SLC6A2: variants seen among roughly 807,000 people sequenced by gnomAD.
SLC6A2 encodes solute carrier family 6 member 2.
Under a neutral mutation model 71.7 loss-of-function variants are expected in SLC6A2, and 26 were observed. The observed-to-expected ratio is 0.36, with a 90% CI of 0.27 to 0.50. SLC6A2 has a LOEUF of 0.50. Ranked by LOEUF, SLC6A2 falls within the 20% of genes least tolerant of loss-of-function variation. The probability of loss-of-function intolerance (pLI) is 0.96; values close to 1 mark genes in which losing one functional copy is unlikely to be tolerated. For missense variants in SLC6A2, 581 were observed against 803.9 expected, an observed-to-expected ratio of 0.72 and a Z score of 3.35; for synonymous variants, 363 against 337.9, an observed-to-expected ratio of 1.07 and a Z score of -0.82.
At chr16:55,697,762 G>T in intron 9 of SLC6A2, 135 bp from the exon 10 acceptor site, 2 of 831,384 alleles carry the variant, frequency 2.4e-6, no homozygotes, top group Non-Finnish European at 3.9e-6. Context: ...AAGGCAGGAC[G>T]TGCTGATTTC....
intron 2 of SLC6A2, among the ~76,000 whole-genome samples, chr16:55,660,060 G>C (rs1178505499): frequency 1.3e-5 from 2 of 152,204 alleles, no homozygotes; most frequent in Non-Finnish European, 2.9e-5. Flanking sequence ...TGCTCTAAAG[G>C]CCTGAGGAAG....
chr16:55,689,874 G>A (rs1182766678), intron 5 of SLC6A2, among the ~76,000 whole-genome samples: 1 of 152,218 alleles, frequency 6.6e-6, no homozygotes, highest in South Asian at 2.1e-4. Context: ...GGAGAAACAA[G>A]TGGATAACAT....
chr16:55,656,646 C>T lies in SLC6A2; in HGVS notation c.-49C>T, dbSNP rs540324002. The T allele has an allele frequency of 2.5e-6, 4 of 1,608,734 alleles. No homozygotes were observed. The South Asian group carries it at 3.3e-5, about 13-fold the overall frequency. On this transcript the variant is annotated splice_region_variant and 5_prime_UTR_variant, in exon 2 of 15. Coordinates refer to ENST00000568943, the MANE Select transcript of SLC6A2 (RefSeq NM_001172501.3). The surrounding 1 kb of genome is among the most constrained non-coding windows in gnomAD (Gnocchi z 4.5). ...CTCTTTTCCCTTTATCCAAGCAGAG[C>T]CTCGGCGTGCCCCCAGGACCGGTAA...
At chr16:55,689,672 A>G (rs576602644) in intron 5 of SLC6A2, among the ~76,000 whole-genome samples, 1 of 152,272 alleles carries the variant, frequency 6.6e-6, no homozygotes, top group Admixed American at 6.5e-5. Flanking sequence ...GCTTACACCT[A>G]TTTGTCCCAG....
Position 55,700,436 on chromosome 16 carries a change from T to G in SLC6A2, c.1758+130T>G, listed in dbSNP as rs111824362. 3 of 738,486 alleles carry G rather than the reference T, an allele frequency of 4.1e-6. No individual in the cohort carries two copies. The African/African-American group carries it at 5.3e-5, about 13-fold the overall frequency. 45.7% of individuals were successfully genotyped at this position (738,486 alleles called of 1,614,324 possible). A position where few individuals can be genotyped will look rare whatever the true frequency, so the allele number is the denominator to read the frequency against. On this transcript the variant is annotated intron_variant, in intron 13 of 14. Transcript: ENST00000568943. ...GACACTAGGGTCAAACGGACCCACC[T>G]CATTGGCCAGGTTATTTTCCCCCAT...
intron 3 of SLC6A2, among the ~76,000 whole-genome samples, chr16:55,671,210 T>G (rs1964900212): frequency 6.6e-6 from 1 of 152,174 alleles, no homozygotes; most frequent in Non-Finnish European, 1.5e-5. Context: ...ATAAAGGGTG[T>G]GCACCAAGTC....
At chr16:55,671,698 A>G in intron 3 of SLC6A2, 1 of 739,882 alleles carries the variant, frequency 1.4e-6, no homozygotes, top group Non-Finnish European at 2.2e-6. Flanking sequence ...TGAGAATCTA[A>G]CTAACGCCTG....
chr16:55,672,268 G>T (rs2142516470), intron 4 of SLC6A2, 93 bp downstream of exon 4: 1 of 1,606,362 alleles, frequency 6.2e-7, no homozygotes, highest in East Asian at 2.2e-5. Flanking sequence ...CCAAGGAGAC[G>T]CATGCCGTCA....
intron 8 of SLC6A2, among the ~76,000 whole-genome samples, chr16:55,696,017 G>T (rs573912613): frequency 6.6e-6 from 1 of 152,294 alleles, no homozygotes; most frequent in South Asian, 2.1e-4. Flanking sequence ...TCCAGGCAGG[G>T]AACTGCTCTC....
intron 4 of SLC6A2, among the ~76,000 whole-genome samples, 178 bp downstream of exon 4, chr16:55,672,353 G>T (rs542073581): frequency 6.6e-6 from 1 of 152,306 alleles, no homozygotes; most frequent in South Asian, 2.1e-4. Context: ...GGTCGAGGTA[G>T]TTGGAGAAGC....
At chr16:55,682,089 T>C (rs1176991162) in intron 4 of SLC6A2, among the ~76,000 whole-genome samples, 1 of 152,168 alleles carries the variant, frequency 6.6e-6, no homozygotes, top group Non-Finnish European at 1.5e-5. Context: ...GTATTTTTAG[T>C]AGAGACAGGG....
intron 3 of SLC6A2, among the ~76,000 whole-genome samples, chr16:55,671,287 T>C (rs1325424160): frequency 2.0e-5 from 3 of 152,160 alleles, no homozygotes; most frequent in Non-Finnish European, 4.4e-5. Flanking sequence ...AGTGTTATCC[T>C]GCCCAGGGGG....
rs1966011246 is a variant in SLC6A2, at chr16:55,702,741, C to CG, written c.*395_*396insG. On this transcript the variant is annotated 3_prime_UTR_variant, in exon 15 of 15. Transcript: ENST00000568943. ...AGAGGATGGGCTTTTGATCAGATACCCCTCCCAAAAAAAAAAAAAACTAAA... is the reference window on the plus strand; with the variant it reads ...AGAGGATGGGCTTTTGATCAGATACCGCCTCCCAAAAAAAAAAAAAACTAAA... 1 of 942,358 alleles carries CG rather than the reference C, an allele frequency of 1.1e-6. No individual in the cohort carries two copies. The highest frequency in any genetic ancestry group is 3.0e-5 in the African/African-American group (1 of 33,028). The allele number at this position is 942,358 out of a possible 1,614,324, so 58.4% of individuals were successfully genotyped here.
chr16:55,691,788 C>T, intron 5 of SLC6A2, 130 bp from the exon 6 acceptor site: 1 of 1,048,588 alleles, frequency 9.5e-7, no homozygotes, highest in South Asian at 1.3e-5. Context: ...GAACTTGTAG[C>T]ATGTGCTTTG....
chr16:55,668,100 C>A (rs1169725044), intron 2 of SLC6A2, among the ~76,000 whole-genome samples: 1 of 152,056 alleles, frequency 6.6e-6, no homozygotes, highest in Non-Finnish European at 1.5e-5. Flanking sequence ...CCCTGCCCCC[C>A]ACCACTGATC....
At chr16:55,697,799 A>T in intron 9 of SLC6A2, 98 bp from the exon 10 acceptor site, 1 of 1,296,124 alleles carries the variant, frequency 7.7e-7, no homozygotes, top group Non-Finnish European at 1.1e-6. Flanking sequence ...AGCCTACATG[A>T]GTCCTGGGCT....
At chr16:55,662,210 G>A (rs1964628887) in intron 2 of SLC6A2, among the ~76,000 whole-genome samples, 1 of 152,198 alleles carries the variant, frequency 6.6e-6, no homozygotes, top group Non-Finnish European at 1.5e-5. Flanking sequence ...GGATTTAATA[G>A]GGATAAATGT....
At chr16:55,664,926 G>T (rs1184084266) in intron 2 of SLC6A2, among the ~76,000 whole-genome samples, 1 of 152,138 alleles carries the variant, frequency 6.6e-6, no homozygotes, top group Non-Finnish European at 1.5e-5. Flanking sequence ...ATACCCGGAC[G>T]GTGGAATTCC....
At chr16:55,671,441 T>C (rs749314134) in intron 3 of SLC6A2, among the ~76,000 whole-genome samples, 4 of 152,148 alleles carry the variant, frequency 2.6e-5, no homozygotes, top group Non-Finnish European at 4.4e-5. Flanking sequence ...TCTGGCAATC[T>C]GCTATAGCAC....
Sources: allele counts gnomAD v4.1 joint callset (sites outside exome capture counted in the v4.1 genomes callset), GRCh38; gene constraint gnomAD v4.1.1; non-coding constraint Gnocchi (gnomAD v3.1); transcripts MANE v1.5; gene names NCBI Gene and HGNC (gene_info 2026-07-23, HGNC 2026-07-21).